Variants in ESRRG observed in about 807,000 individuals in gnomAD.
ESRRG encodes estrogen-related receptor gamma.
In ESRRG, 13 loss-of-function variants were observed where a neutral mutation model predicts 44.0. The ratio of observed to expected loss-of-function variants is 0.30; its 90% CI spans 0.19 to 0.47. ESRRG has a LOEUF of 0.47. Ranked by LOEUF, ESRRG falls within the 20% of genes least tolerant of loss-of-function variation. The probability of loss-of-function intolerance (pLI) is 1.00; values close to 1 mark genes in which losing one functional copy is unlikely to be tolerated. For missense variants in ESRRG, 395 were observed against 580.6 expected (o/e 0.68, Z 3.29); for synonymous variants, 215 against 214.6 (o/e 1.00, Z -0.02).
chr1:216,676,410 T>A (rs560297836), intron 2 of ESRRG, among the ~76,000 whole-genome samples: 49 of 152,150 alleles, frequency 3.2e-4, no homozygotes, highest in Admixed American at 1.3e-3. Context: ...AGGTTTTTTT[T>A]AATATAAATT....
chr1:217,132,210 G>T (rs1259447997), intron 1 of ESRRG, among the ~76,000 whole-genome samples: 1 of 152,130 alleles, frequency 6.6e-6, no homozygotes, highest in African/African-American at 2.4e-5. Context: ...GCTCAGGCTG[G>T]TCTCAAACTC....
intron 1 of ESRRG, among the ~76,000 whole-genome samples, chr1:217,124,479 AG>A (rs1029338263): frequency 6.6e-6 from 1 of 152,244 alleles, no homozygotes; most frequent in African/African-American, 2.4e-5. Flanking sequence ...ATGATCCCTA[AG>A]AAAAACAAAC....
At chr1:216,957,592 C>CA (rs953867587) in intron 1 of ESRRG, among the ~76,000 whole-genome samples, 2 of 152,078 alleles carry the variant, frequency 1.3e-5, no homozygotes, top group African/African-American at 4.8e-5. Context: ...ACTTTTCCTT[C>CA]AAAAGATATC....
At chr1:217,054,077 C>A (rs940325215) in intron 1 of ESRRG, among the ~76,000 whole-genome samples, 1 of 150,774 alleles carries the variant, frequency 6.6e-6, no homozygotes, top group Non-Finnish European at 1.5e-5. Context: ...GCAAAGACAG[C>A]AGATGCCCAC....
intron 2 of ESRRG, among the ~76,000 whole-genome samples, chr1:216,890,806 A>G (rs2057680840): frequency 6.6e-6 from 1 of 152,192 alleles, no homozygotes; most frequent in Non-Finnish European, 1.5e-5. Flanking sequence ...CAAAATAAAT[A>G]CAAATTCACA....
chr1:216,977,652 C>T (rs1170455824), intron 1 of ESRRG, among the ~76,000 whole-genome samples: 2 of 152,112 alleles, frequency 1.3e-5, no homozygotes, highest in Non-Finnish European at 2.9e-5. Context: ...CTTCTAGGCA[C>T]CATTTATCAT....
At chr1:216,924,249 T>C (rs1301514635) in intron 2 of ESRRG, among the ~76,000 whole-genome samples, 1 of 152,180 alleles carries the variant, frequency 6.6e-6, no homozygotes, top group Admixed American at 6.5e-5. Context: ...TCCAGCATAA[T>C]CCTGAACATT....
At chr1:217,037,299 C>G (rs1250440242) in intron 1 of ESRRG, among the ~76,000 whole-genome samples, 4 of 152,094 alleles carry the variant, frequency 2.6e-5, no homozygotes, top group African/African-American at 9.7e-5. Flanking sequence ...GGAAACTGGG[C>G]AATTTATAAA....
intron 2 of ESRRG, among the ~76,000 whole-genome samples, chr1:216,666,662 T>C (rs1390118034): frequency 6.6e-6 from 1 of 152,226 alleles, no homozygotes; most frequent in Non-Finnish European, 1.5e-5. Flanking sequence ...ATAGAGATTA[T>C]GGATGGCATG....
chr1:216,771,548 C>T (rs1025324761), intron 2 of ESRRG, among the ~76,000 whole-genome samples: 1 of 152,094 alleles, frequency 6.6e-6, no homozygotes, highest in East Asian at 1.9e-4. Flanking sequence ...CTGGGAGATG[C>T]TGACAACTAT....
chr1:217,069,422 T>C (rs2090261045), intron 1 of ESRRG, among the ~76,000 whole-genome samples: 1 of 127,582 alleles, frequency 7.8e-6, no homozygotes, highest in South Asian at 2.6e-4. Context: ...TAGACAGATA[T>C]AGAAATATAT....
chr1:216,796,711 C>T (rs891927176), intron 2 of ESRRG, among the ~76,000 whole-genome samples: 1 of 152,050 alleles, frequency 6.6e-6, no homozygotes, highest in Non-Finnish European at 1.5e-5. Flanking sequence ...GAGCTCCTGG[C>T]ATCTCTTTAA....
At chr1:216,925,252 C>CA (rs2149757971) in intron 2 of ESRRG, among the ~76,000 whole-genome samples, 1 of 152,122 alleles carries the variant, frequency 6.6e-6, no homozygotes, top group South Asian at 2.1e-4. Flanking sequence ...GCCTGGCCAA[C>CA]ATGGTGAAAC....
chr1:217,132,872 AT>A (rs1466042894), intron 1 of ESRRG, among the ~76,000 whole-genome samples: 3 of 152,002 alleles, frequency 2.0e-5, no homozygotes. Context: ...AGGAAATGAA[AT>A]TTCTTCTTTC....
In ESRRG at chr1:216,516,201, A is replaced by G. The variant is rs1285900489; in HGVS notation, c.1132+2951T>C. Among the ~76,000 whole-genome samples the G allele has an allele frequency of 3.3e-5, 5 of 152,246 alleles. No individual in the cohort carries two copies. The East Asian group carries it at 5.8e-4, about 18-fold the overall frequency. ...AATACATAGCTTAAATGAGACTGTA[A>G]GTTTCTTATCTTCAAAAGTAATTGG... On this transcript the variant is annotated intron_variant, in intron 6 of 6. Transcript: ENST00000408911.
At chr1:217,125,024 G>C (rs2092870283) in intron 1 of ESRRG, among the ~76,000 whole-genome samples, 3 of 152,050 alleles carry the variant, frequency 2.0e-5, no homozygotes, top group Admixed American at 2.0e-4. Flanking sequence ...ACATATCCAG[G>C]GATCCACTCC....
chr1:216,844,774 T>C (rs934213986), intron 2 of ESRRG, among the ~76,000 whole-genome samples: 1 of 152,102 alleles, frequency 6.6e-6, no homozygotes, highest in Admixed American at 6.6e-5. Flanking sequence ...TGTGTGTGTG[T>C]GTGTGTGTGG....
intron 1 of ESRRG, among the ~76,000 whole-genome samples, chr1:216,986,282 C>T (rs184561556): frequency 2.0e-5 from 3 of 152,224 alleles, no homozygotes; most frequent in African/African-American, 7.2e-5. Flanking sequence ...GTTAGTTATT[C>T]CCGTGTAGGA....
chr1:216,698,169 T>C (rs555718797), intron 1 of ESRRG, among the ~76,000 whole-genome samples: 8 of 152,240 alleles, frequency 5.3e-5, no homozygotes, highest in Admixed American at 2.0e-4. Flanking sequence ...GTGCAATCCA[T>C]CTCATGAAAC....
Sources: allele counts gnomAD v4.1 joint callset (sites outside exome capture counted in the v4.1 genomes callset), GRCh38; gene constraint gnomAD v4.1.1; transcripts MANE v1.5; gene names NCBI Gene and HGNC (gene_info 2026-07-23, HGNC 2026-07-21).